The following MAP7 variants were observed in gnomAD, a reference collection of about 807,000 sequenced individuals.
MAP7 encodes the protein ensconsin.
A neutral mutation model predicts 94.8 loss-of-function variants in MAP7; 52 were observed. That is an observed-to-expected ratio of 0.55 (90% confidence interval 0.44 to 0.69). MAP7 has a LOEUF of 0.69. Ranked by LOEUF, MAP7 falls within the 30% of genes least tolerant of loss-of-function variation. The probability of loss-of-function intolerance (pLI) is 0.00; values close to 1 mark genes in which losing one functional copy is unlikely to be tolerated. For synonymous variants in MAP7, 350 were observed against 357.0 expected (o/e 0.98, Z 0.22); for missense variants, 940 against 964.6 (o/e 0.97, Z 0.34).
intron 1 of MAP7, among the ~76,000 whole-genome samples, chr6:136,450,784 CAAA>C (rs199850506): frequency 7.2e-6 from 1 of 138,102 alleles, no homozygotes; most frequent in Admixed American, 7.2e-5. Context: ...AACTCCATCT[CAAA>C]AAAAAAAAGA....
chr6:136,433,528 G>T (rs540241855), intron 1 of MAP7, among the ~76,000 whole-genome samples: 1 of 152,342 alleles, frequency 6.6e-6, no homozygotes, highest in South Asian at 2.1e-4. Context: ...AAACTCCAAG[G>T]AGGCTTTGCT....
At chr6:136,480,771 T>C (rs954578718) in intron 1 of MAP7, among the ~76,000 whole-genome samples, 8 of 146,686 alleles carry the variant, frequency 5.5e-5, no homozygotes, top group African/African-American at 2.0e-4. Context: ...AATAGACAAA[T>C]GGGATCACTT....
At chr6:136,430,892 T>C (rs1794697818) in intron 1 of MAP7, among the ~76,000 whole-genome samples, 1 of 152,156 alleles carries the variant, frequency 6.6e-6, no homozygotes, top group South Asian at 2.1e-4. Context: ...TCATATGCTG[T>C]TGCAGCCCTG....
At chr6:136,548,506 C>T (rs1829902224) in intron 1 of MAP7, among the ~76,000 whole-genome samples, 1 of 152,044 alleles carries the variant, frequency 6.6e-6, no homozygotes, top group Admixed American at 6.6e-5. Context: ...AAAAAATGTC[C>T]TTTGGAAAAT....
chr6:136,354,004 T>C (rs1191764941), intron 16 of MAP7, among the ~76,000 whole-genome samples: 1 of 151,388 alleles, frequency 6.6e-6, no homozygotes, highest in African/African-American at 2.4e-5. Flanking sequence ...TTTATGTAAA[T>C]TTGTGATCTG....
At chr6:136,457,903 C>G (rs534456110) in intron 1 of MAP7, among the ~76,000 whole-genome samples, 19 of 152,232 alleles carry the variant, frequency 1.2e-4, no homozygotes, top group African/African-American at 4.3e-4. Context: ...GATGCCCACT[C>G]TCACCACTTC....
At chr6:136,402,825 G>C (rs1033774719) in intron 3 of MAP7, among the ~76,000 whole-genome samples, 17 of 147,280 alleles carry the variant, frequency 1.2e-4, no homozygotes, top group African/African-American at 4.3e-4. Context: ...AGAATGGCGT[G>C]AACCTGGGAG....
At chr6:136,446,530 C>T (rs1251492948) in intron 1 of MAP7, among the ~76,000 whole-genome samples, 1 of 152,176 alleles carries the variant, frequency 6.6e-6, no homozygotes, top group Non-Finnish European at 1.5e-5. Flanking sequence ...TAACCTTCAT[C>T]CCCTCTCTCC....
chr6:136,413,394 T>G (rs1036250721), intron 2 of MAP7, among the ~76,000 whole-genome samples: 1 of 151,624 alleles, frequency 6.6e-6, no homozygotes, highest in African/African-American at 2.4e-5. Context: ...TGGTGGCACA[T>G]GCCTGTAGTC....
In MAP7 at chr6:136,359,961, GA is replaced by G. The variant is rs770034686; in HGVS notation, c.1854+19del. On this transcript the variant is annotated intron_variant, in intron 14 of 17. Coordinates refer to ENST00000354570, the MANE Select transcript of MAP7 (RefSeq NM_003980.6). Reference sequence around the variant, plus strand: ...AGATAAAAGCATACAAAAGTAGTTAGAAAACGGCCATGTCAATACCTTATCT... The same window carrying G: ...AGATAAAAGCATACAAAAGTAGTTAGAAACGGCCATGTCAATACCTTATCT... 119 of 1,611,858 alleles carry G rather than the reference GA, an allele frequency of 7.4e-5. No homozygotes were observed. Among genetic ancestry groups the G allele is most frequent in the Non-Finnish European group, 9.5e-5 (112 of 1,179,298 alleles).
intron 1 of MAP7, among the ~76,000 whole-genome samples, chr6:136,549,701 G>T (rs931951491): frequency 2.0e-5 from 3 of 152,220 alleles, no homozygotes; most frequent in Non-Finnish European, 4.4e-5. Flanking sequence ...ACAAGTCAAC[G>T]AAAGTCTGAT....
chr6:136,375,175 A>T (rs963877067), intron 7 of MAP7, among the ~76,000 whole-genome samples: 1 of 152,228 alleles, frequency 6.6e-6, no homozygotes, highest in African/African-American at 2.4e-5. Flanking sequence ...ATAATATGGT[A>T]ATACGGTACT....
intron 1 of MAP7, chr6:136,525,770 T>C (rs1827643377): frequency 6.7e-7 from 1 of 1,489,146 alleles, no homozygotes; most frequent in Non-Finnish European, 8.9e-7. Flanking sequence ...AAACGTTCTA[T>C]AGGCAGTGTG....
chr6:136,445,896 A>T (rs1403900295), intron 1 of MAP7, among the ~76,000 whole-genome samples: 1 of 152,204 alleles, frequency 6.6e-6, no homozygotes, highest in Non-Finnish European at 1.5e-5. Flanking sequence ...CTCACAACAC[A>T]ATCAACACAC....
intron 1 of MAP7, among the ~76,000 whole-genome samples, chr6:136,515,218 C>A (rs1019463656): frequency 6.6e-6 from 1 of 152,228 alleles, no homozygotes; most frequent in Non-Finnish European, 1.5e-5. Flanking sequence ...TCTCAGCCTT[C>A]ATAAAATTGA....
chr6:136,495,961 G>A (rs1412961778), intron 1 of MAP7, among the ~76,000 whole-genome samples: 1 of 152,150 alleles, frequency 6.6e-6, no homozygotes, highest in Non-Finnish European at 1.5e-5. Context: ...CTCAAGGAGG[G>A]CTTAATTGGT....
chr6:136,464,721 G>T (rs1408589646), intron 1 of MAP7, among the ~76,000 whole-genome samples: 1 of 152,154 alleles, frequency 6.6e-6, no homozygotes, highest in Non-Finnish European at 1.5e-5. Flanking sequence ...AAGAGATTAG[G>T]TGTGGTCTCT....
intron 1 of MAP7, among the ~76,000 whole-genome samples, chr6:136,541,715 G>T (rs907720691): frequency 6.6e-6 from 1 of 152,096 alleles, no homozygotes; most frequent in African/African-American, 2.4e-5. Flanking sequence ...AAGAACAGTT[G>T]AATGCAGTTT....
intron 13 of MAP7, 75 bp downstream of exon 13, chr6:136,360,622 T>C: frequency 7.5e-7 from 1 of 1,326,470 alleles, no homozygotes; most frequent in South Asian, 1.2e-5. Flanking sequence ...ACGCGTTTTC[T>C]GACGGCCAGG....
Sources: gnomAD v4.1 joint callset for allele counts (sites outside exome capture counted in the v4.1 genomes callset) on GRCh38, gnomAD v4.1.1 for gene constraint, MANE v1.5 for transcripts, NCBI Gene and HGNC (gene_info 2026-07-23, HGNC 2026-07-21) for gene names.